Variants in MSANTD3 observed in about 807,000 individuals in gnomAD.
MSANTD3 encodes myb/SANT-like DNA-binding domain-containing protein 3.
Under a neutral mutation model 27.7 loss-of-function variants are expected in MSANTD3, and 11 were observed. The ratio of observed to expected loss-of-function variants is 0.40; its 90% CI spans 0.25 to 0.66. The LOEUF is 0.66. Among genes scored for constraint, MSANTD3 ranks in the 30% least tolerant of loss-of-function variants. The pLI, the probability that MSANTD3 is intolerant of heterozygous loss-of-function variation, is 0.41. For missense variants in MSANTD3, 250 were observed against 336.5 expected (o/e 0.74, Z 2.01); for synonymous variants, 131 against 127.2 (o/e 1.03, Z -0.20).
intron 1 of MSANTD3, among the ~76,000 whole-genome samples, chr9:100,430,121 T>TG (rs1836337226): frequency 6.6e-6 from 1 of 151,186 alleles, no homozygotes; most frequent in South Asian, 2.1e-4. Context: ...AAAATCTAGT[T>TG]GCAGTGTGTG....
chr9:100,445,355 G>C, intron 2 of MSANTD3: 1 of 635,034 alleles, frequency 1.6e-6, no homozygotes, highest in Non-Finnish European at 2.8e-6. Context: ...GTTGTCACAA[G>C]CCACATGAGG....
Position 100,442,303 on chromosome 9 carries a change from T to G in MSANTD3, c.365T>G (p.Leu122Arg). Residue 122 changes from leucine (L) to arginine (R), a missense_variant, in exon 2 of 3, where the codon CTG becomes CGG. Physicochemically the swap from Leu to Arg is moderately radical, Grantham distance 102. Transcript: ENST00000395067. ...ASMLPEQLYF[L>R]QSPPEEEPEY... The stretch of plus-strand genomic sequence containing the variant: ...ATGCTGCCGGAGCAGCTCTACTTCC[T>G]GCAGAGCCCCCCGGAGGAGGAGCCC... The G allele has an allele frequency of 1.2e-6, 2 of 1,614,058 alleles. No homozygotes were observed. The highest frequency in any genetic ancestry group is 2.2e-5 in the South Asian group (2 of 91,078).
chr9:100,450,727 C>G lies in MSANTD3; in HGVS notation c.589C>G (p.His197Asp), dbSNP rs1309059840. 1.2e-6 allele frequency: 2 copies of G among 1,613,952 alleles called. No homozygotes were observed. Among genetic ancestry groups the G allele is most frequent in the Non-Finnish European group, 1.7e-6 (2 of 1,180,014 alleles). The change falls in exon 3 of 3, where the codon CAT becomes GAT. Residue 197 changes from histidine to aspartate, a missense_variant. Physicochemically the swap from His to Asp is moderately conservative, Grantham distance 81 (BLOSUM62 -1). Coordinates refer to ENST00000395067, the MANE Select transcript of MSANTD3 (RefSeq NM_080655.3). ...TSQEGALKKM[H>D]EEEHHQQMSI... ...TCAGGAAGGTGCTTTAAAAAAGATG[C>G]ATGAGGAAGAACACCATCAACAAAT...
rs941057785 is a variant in MSANTD3, at chr9:100,451,147, G to A, written c.*181G>A. On this transcript the variant is annotated 3_prime_UTR_variant, in exon 3 of 3. Coordinates refer to ENST00000395067, the MANE Select transcript of MSANTD3 (RefSeq NM_080655.3). ...CCCTCTGTACCCCTTAAGTGGCAAA[G>A]AAGCTGTTATAGTCTTCTGAAAATT... The A allele has an allele frequency of 5.3e-6, 3 of 568,962 alleles. No homozygotes were observed. Among genetic ancestry groups the A allele is most frequent in the Non-Finnish European group, 9.0e-6 (3 of 334,602 alleles). 35.2% of individuals were successfully genotyped at this position (568,962 alleles called of 1,614,324 possible). A position where few individuals can be genotyped will look rare whatever the true frequency, so the allele number is the denominator to read the frequency against.
chr9:100,436,383 C>G (rs550849795), intron 1 of MSANTD3, among the ~76,000 whole-genome samples: 1 of 152,272 alleles, frequency 6.6e-6, no homozygotes, highest in Admixed American at 6.5e-5. Flanking sequence ...ATGCCTATAT[C>G]AAAATATCTG....
chr9:100,427,840 T>A (rs1836279659), intron 1 of MSANTD3, among the ~76,000 whole-genome samples: 1 of 152,058 alleles, frequency 6.6e-6, no homozygotes, highest in South Asian at 2.1e-4. Flanking sequence ...GAGGGATCCC[T>A]CACTTGCAGG....
intron 1 of MSANTD3, among the ~76,000 whole-genome samples, chr9:100,437,977 A>G (rs1836514714): frequency 6.6e-6 from 1 of 152,120 alleles, no homozygotes; most frequent in Non-Finnish European, 1.5e-5. Context: ...CATTATTATT[A>G]CTCTGAGACT....
intron 2 of MSANTD3, among the ~76,000 whole-genome samples, chr9:100,449,834 A>G (rs1836843556): frequency 6.6e-6 from 1 of 152,152 alleles, no homozygotes; most frequent in Non-Finnish European, 1.5e-5. Flanking sequence ...AGAAGGAGCA[A>G]TCAGAGGGGA....
At chr9:100,443,411 AAAG>A (rs1291771394) in intron 2 of MSANTD3, among the ~76,000 whole-genome samples, 1 of 152,146 alleles carries the variant, frequency 6.6e-6, no homozygotes, top group South Asian at 2.1e-4. Flanking sequence ...AAAAAAAAAA[AAAG>A]AACTATTTCA....
At chr9:100,441,861 T>A (rs1836631141) in intron 1 of MSANTD3, 45 bp from the exon 2 acceptor site, 4 of 1,517,644 alleles carry the variant, frequency 2.6e-6, no homozygotes, top group South Asian at 2.7e-5. Flanking sequence ...ATAGGCATTG[T>A]TTTTGCTGGA....
chr9:100,440,931 CTTTTTTTTTT>C (rs754540059), intron 1 of MSANTD3, among the ~76,000 whole-genome samples: 2 of 98,334 alleles, frequency 2.0e-5, no homozygotes, highest in South Asian at 6.8e-4. Flanking sequence ...GGCTGTACAT[CTTTTTTTTTT>C]TTTTTTTTTT....
At chr9:100,445,046 T>C in intron 2 of MSANTD3, 1 of 635,460 alleles carries the variant, frequency 1.6e-6, no homozygotes, top group East Asian at 2.8e-5. Flanking sequence ...TGGAGAACCT[T>C]GGTGCTTTGT....
chr9:100,441,543 G>T (rs2118226396), intron 1 of MSANTD3, among the ~76,000 whole-genome samples: 1 of 152,228 alleles, frequency 6.6e-6, no homozygotes, highest in South Asian at 2.1e-4. Flanking sequence ...GGAGGCTGAG[G>T]CAGGAGAATT....
intron 1 of MSANTD3, among the ~76,000 whole-genome samples, chr9:100,441,432 G>T (rs1250168622): frequency 6.6e-6 from 1 of 151,552 alleles, no homozygotes; most frequent in Non-Finnish European, 1.5e-5. Flanking sequence ...TCAGTAGTTC[G>T]AGACCAGCCT....
chr9:100,439,341 C>T (rs1469116433), intron 1 of MSANTD3, among the ~76,000 whole-genome samples: 1 of 152,082 alleles, frequency 6.6e-6, no homozygotes, highest in Non-Finnish European at 1.5e-5. Context: ...AATTAGTGTA[C>T]TGTAAACTTA....
At chr9:100,440,196 T>C (rs939751135) in intron 1 of MSANTD3, among the ~76,000 whole-genome samples, 9 of 152,146 alleles carry the variant, frequency 5.9e-5, no homozygotes, top group East Asian at 3.9e-4. Context: ...AAGTGACTTA[T>C]GGGAATCATG....
At chr9:100,449,067 A>C (rs1031966080) in intron 2 of MSANTD3, 18 of 985,228 alleles carry the variant, frequency 1.8e-5, no homozygotes, top group Non-Finnish European at 6.0e-6. Context: ...TAATGTAATC[A>C]ACTATGTTAA....
At position 100,441,963 on chromosome 9, in the gene MSANTD3, C is replaced by A. The variant is rs769031925; in HGVS notation, c.25C>A (p.Pro9Thr). Residue 9 changes from proline to threonine, a missense_variant, in exon 2 of 3, where the codon CCT becomes ACT. Pro to Thr is a conservative substitution (Grantham distance 38). This residue lies in a region of MSANTD3 where 13 missense variants were observed against 16.7 expected (regional missense o/e 0.78). Transcript: ENST00000395067. ...AATGCAAAACAACGAAATTATAAAG[C>A]CTGCCAAATACTTCTCAGAATTGGA... MQNNEIIK[P>T]AKYFSELEKS... is the part of the protein sequence containing the mutation. 6.2e-7 allele frequency: 1 copy of A among 1,608,710 alleles called. No individual in the cohort carries two copies. The highest frequency in any genetic ancestry group is 8.5e-7 in the Non-Finnish European group (1 of 1,176,352).
intron 1 of MSANTD3, 78 bp from the exon 2 acceptor site, chr9:100,441,828 C>T: frequency 7.0e-7 from 1 of 1,432,632 alleles, no homozygotes; most frequent in Non-Finnish European, 9.3e-7. Flanking sequence ...GGAATCAAGT[C>T]AGGAATTAAG....
Sources: gnomAD v4.1 joint callset for allele counts (sites outside exome capture counted in the v4.1 genomes callset) on GRCh38, gnomAD v4.1.1 for gene constraint, gnomAD v4.1.1 regional missense constraint, MANE v1.5 for transcripts, NCBI Gene and HGNC (gene_info 2026-07-23, HGNC 2026-07-21) for gene names.